Variants in CCSER2 observed in about 807,000 individuals in gnomAD.
The protein encoded by CCSER2 is serine-rich coiled-coil domain-containing protein 2.
Under a neutral mutation model 92.3 loss-of-function variants are expected in CCSER2, and 46 were observed. The ratio of observed to expected loss-of-function variants is 0.50; its 90% CI spans 0.39 to 0.64. CCSER2 has a LOEUF of 0.64. Ranked by LOEUF, CCSER2 falls within the 30% of genes least tolerant of loss-of-function variation. CCSER2 has a pLI of 0.00. For synonymous variants in CCSER2, 433 were observed against 431.4 expected (o/e 1.00, Z -0.04); for missense variants, 1,244 against 1,238.9 (o/e 1.00, Z -0.06).
In CCSER2 at chr10:84,371,833, A is replaced by G; in HGVS notation, c.781A>G (p.Ile261Val). 6.2e-7 allele frequency: 1 copy of G among 1,613,986 alleles called. No homozygotes were observed. Among genetic ancestry groups the G allele is most frequent in the Non-Finnish European group, 8.5e-7 (1 of 1,179,902 alleles). The change falls in exon 2 of 10, where the codon ATT becomes GTT. Residue 261 changes from isoleucine (I) to valine (V), a missense_variant. Physicochemically the swap from Ile to Val is conservative, Grantham distance 29. Coordinates refer to ENST00000372088, the MANE Select transcript of CCSER2 (RefSeq NM_001284240.2). The part of the protein sequence containing the change: ...TKPYQNQQLS[I>V]RVPLRSSMLT... ...GCCTTATCAGAACCAACAGCTATCC[A>G]TTAGAGTGCCTCTACGGTCAAGTAT...
At chr10:84,381,326 T>A (rs931598368) in intron 3 of CCSER2, among the ~76,000 whole-genome samples, 6 of 152,252 alleles carry the variant, frequency 3.9e-5, no homozygotes, top group African/African-American at 1.4e-4. Context: ...ATTAATATTC[T>A]TCCACAATAT....
At chr10:84,345,896 C>T (rs1345062053) in intron 1 of CCSER2, among the ~76,000 whole-genome samples, 2 of 151,892 alleles carry the variant, frequency 1.3e-5, no homozygotes, top group Non-Finnish European at 1.5e-5. Context: ...TGTCAGCAAC[C>T]CCTAGAAGTT....
At chr10:84,390,446 G>A (rs982399649) in intron 3 of CCSER2, among the ~76,000 whole-genome samples, 5 of 152,152 alleles carry the variant, frequency 3.3e-5, no homozygotes, top group Non-Finnish European at 7.4e-5. Context: ...ATACAAACCT[G>A]TATAGCATGT....
intron 9 of CCSER2, among the ~76,000 whole-genome samples, chr10:84,491,625 A>G (rs1848171226): frequency 6.6e-6 from 1 of 152,116 alleles, no homozygotes; most frequent in Non-Finnish European, 1.5e-5. Flanking sequence ...CTGATTTTCC[A>G]GGATCCGTCT....
Position 84,407,200 on chromosome 10 carries a change from A to T in CCSER2, c.1615-10571A>T, listed in dbSNP as rs1564634514. ...GTCTTCTCAAAGATGCAGCATGCAC[A>T]TCAAAATAATTGGGCTTCAAAACTA... On this transcript the variant is annotated intron_variant, in intron 3 of 9. Coordinates refer to ENST00000372088, the MANE Select transcript of CCSER2 (RefSeq NM_001284240.2). 2.0e-5 allele frequency among the ~76,000 whole-genome samples: 3 copies of T among 152,330 alleles called. 1 individual carries two copies. The South Asian group carries it at 6.2e-4, about 32-fold the overall frequency.
intron 3 of CCSER2, among the ~76,000 whole-genome samples, chr10:84,386,542 C>T (rs1279647409): frequency 1.3e-5 from 2 of 152,168 alleles, no homozygotes; most frequent in African/African-American, 2.4e-5. Context: ...CATGGCTAAA[C>T]CCTGTCTCTA....
chr10:84,453,410 T>C (rs1382688139), intron 6 of CCSER2, among the ~76,000 whole-genome samples: 9 of 152,192 alleles, frequency 5.9e-5, no homozygotes, highest in Non-Finnish European at 8.8e-5. Context: ...ACATTTCAAA[T>C]GCGACCATTT....
At chr10:84,414,761 C>T (rs1003600367) in intron 3 of CCSER2, among the ~76,000 whole-genome samples, 1 of 152,128 alleles carries the variant, frequency 6.6e-6, no homozygotes, top group South Asian at 2.1e-4. Flanking sequence ...GTTCCATTCT[C>T]CCCATCTCTT....
chr10:84,328,873 G>A (rs1159884919), intron 1 of CCSER2, 65 bp downstream of exon 1: 1 of 151,962 alleles, frequency 6.6e-6, no homozygotes, highest in Non-Finnish European at 1.5e-5. Flanking sequence ...GGCAGCCCAA[G>A]ACCAGGCACG....
chr10:84,393,126 G>A (rs1841619615), intron 3 of CCSER2, among the ~76,000 whole-genome samples: 1 of 151,988 alleles, frequency 6.6e-6, no homozygotes, highest in South Asian at 2.1e-4. Flanking sequence ...TAAGAATATA[G>A]ACATATAAAG....
chr10:84,422,786 G>A (rs1341048601), intron 4 of CCSER2, among the ~76,000 whole-genome samples: 2 of 152,140 alleles, frequency 1.3e-5, no homozygotes, highest in Non-Finnish European at 2.9e-5. Flanking sequence ...CAGGGGCGGT[G>A]GCTCACGCAT....
chr10:84,375,789 A>G (rs1274693454), intron 3 of CCSER2, among the ~76,000 whole-genome samples: 2 of 147,740 alleles, frequency 1.4e-5, no homozygotes, highest in Non-Finnish European at 3.0e-5. Context: ...GTATTGTTAT[A>G]CTTGGACTGT....
At chr10:84,483,995 A>ATATATATATG (rs1564711747) in intron 9 of CCSER2, among the ~76,000 whole-genome samples, 78 of 72,318 alleles carry the variant, frequency 1.1e-3, no homozygotes, top group Non-Finnish European at 1.6e-3. Flanking sequence ...ATATATATAT[A>ATATATATATG]TAATTTTTTT....
intron 3 of CCSER2, among the ~76,000 whole-genome samples, chr10:84,387,918 C>T (rs1841312268): frequency 1.3e-5 from 2 of 152,204 alleles, no homozygotes; most frequent in Non-Finnish European, 2.9e-5. Flanking sequence ...GCCTAGAGTG[C>T]AATGGCACGA....
At chr10:84,348,488 C>A (rs563594447) in intron 1 of CCSER2, among the ~76,000 whole-genome samples, 4 of 151,800 alleles carry the variant, frequency 2.6e-5, no homozygotes, top group African/African-American at 9.7e-5. Context: ...AGAGGGAGAC[C>A]GTGGGGAGAG....
intron 9 of CCSER2, chr10:84,499,844 A>G (rs1488916777): frequency 1.2e-6 from 2 of 1,608,626 alleles, no homozygotes; most frequent in Non-Finnish European, 1.7e-6. Flanking sequence ...CTTTTTTATT[A>G]TACCTCCCTA....
chr10:84,424,662 G>A (rs945694854), intron 4 of CCSER2, among the ~76,000 whole-genome samples: 4 of 151,698 alleles, frequency 2.6e-5, no homozygotes, highest in African/African-American at 7.3e-5. Context: ...TTAAATAAGC[G>A]AGGTTTTTTT....
chr10:84,498,998 G>A (rs1389040763), intron 9 of CCSER2, among the ~76,000 whole-genome samples: 2 of 152,160 alleles, frequency 1.3e-5, no homozygotes, highest in South Asian at 2.1e-4. Flanking sequence ...AAATTAAAAA[G>A]CATGTCCACG....
intron 3 of CCSER2, among the ~76,000 whole-genome samples, chr10:84,375,585 C>T (rs138573331): frequency 8.9e-4 from 112 of 126,038 alleles, no homozygotes; most frequent in African/African-American, 3.2e-3. Context: ...ACTTAGTGAT[C>T]TTCTCTATCT....
Sources: gnomAD v4.1 joint callset for allele counts (sites outside exome capture counted in the v4.1 genomes callset) on GRCh38, gnomAD v4.1.1 for gene constraint, MANE v1.5 for transcripts, NCBI Gene and HGNC (gene_info 2026-07-23, HGNC 2026-07-21) for gene names.